Variants in PSD3 observed in about 807,000 individuals in gnomAD.
The protein encoded by PSD3 is pleckstrin and Sec7 domain containing 3.
PSD3 carries 49 observed loss-of-function variants against 105.5 expected under a neutral mutation model. The observed-to-expected ratio is 0.46, with a 90% CI of 0.37 to 0.59. PSD3 has a LOEUF of 0.59. PSD3 is among the 20% of genes least tolerant of loss of function. The probability of loss-of-function intolerance (pLI) is 0.00; values close to 1 mark genes in which losing one functional copy is unlikely to be tolerated. For synonymous variants in PSD3, 557 were observed against 457.8 expected (o/e 1.22, Z -2.77); for missense variants, 1,561 against 1,263.8 (o/e 1.24, Z -3.57).
chr8:18,647,900 C>T lies in PSD3; in HGVS notation c.2216+7742G>A, dbSNP rs116247711. Among the ~76,000 whole-genome samples, 736 of 152,188 alleles carry T rather than the reference C, an allele frequency of 4.8e-3. 4 individuals carry two copies. The highest frequency in any genetic ancestry group is 0.015 in the African/African-American group (623 of 41,520). ...CCCCCTCTCTCTCTTCCTCTTGCTC[C>T]GGCCATGTGAAGTGCCAGCTCCCCC... On this transcript the variant is annotated intron_variant, in intron 10 of 15. Coordinates refer to ENST00000327040, the MANE Select transcript of PSD3 (RefSeq NM_015310.4).
chr8:18,563,350 T>C (rs1801519855), intron 14 of PSD3, among the ~76,000 whole-genome samples: 1 of 152,180 alleles, frequency 6.6e-6, no homozygotes, highest in Non-Finnish European at 1.5e-5. Context: ...TAGATTTTTT[T>C]TTTTAAGTGA....
chr8:18,984,279 AG>A (rs1804025413), intron 1 of PSD3, among the ~76,000 whole-genome samples: 1 of 151,834 alleles, frequency 6.6e-6, no homozygotes, highest in Non-Finnish European at 1.5e-5. Context: ...CTGACTCTCT[AG>A]TTGTTAAACC....
At chr8:18,717,452 GA>G (rs1802672789) in intron 9 of PSD3, among the ~76,000 whole-genome samples, 1 of 151,996 alleles carries the variant, frequency 6.6e-6, no homozygotes. Flanking sequence ...AATGTGGTCT[GA>G]ATGTTCTAAT....
intron 4 of PSD3, among the ~76,000 whole-genome samples, chr8:18,866,704 T>C (rs1816960123): frequency 6.6e-6 from 1 of 151,810 alleles, no homozygotes; most frequent in South Asian, 2.1e-4. Context: ...TTCAAACTGG[T>C]TATAGAAAAT....
At chr8:18,659,528 T>A (rs925329645) in intron 9 of PSD3, among the ~76,000 whole-genome samples, 5 of 152,354 alleles carry the variant, frequency 3.3e-5, no homozygotes, top group African/African-American at 1.2e-4. Flanking sequence ...ACACTTCATG[T>A]TTACATCAAC....
In PSD3 at chr8:18,567,818, T is replaced by C. The variant is rs1208821160; in HGVS notation, c.2784+4710A>G. On this transcript the variant is annotated intron_variant, in intron 14 of 15. Coordinates refer to ENST00000327040, the MANE Select transcript of PSD3 (RefSeq NM_015310.4). ...TGTTCTTGCTAAGGTTATCCAATGA[T>C]ATAGTTTGGATGCTTGTCCCCTCCG... Among the ~76,000 whole-genome samples, 6 of 152,140 alleles carry C rather than the reference T, an allele frequency of 3.9e-5. No individual in the cohort carries two copies. In the East Asian group the frequency reaches 1.2e-3, roughly 29 times the overall value.
chr8:18,883,588 C>T (rs1301379243), intron 2 of PSD3, among the ~76,000 whole-genome samples: 1 of 152,166 alleles, frequency 6.6e-6, no homozygotes, highest in South Asian at 2.1e-4. Flanking sequence ...ATTATTTGTA[C>T]ACAGCCTTAA....
intron 12 of PSD3, 102 bp from the exon 13 acceptor site, chr8:18,575,387 G>A: frequency 9.1e-7 from 1 of 1,099,646 alleles, no homozygotes; most frequent in Non-Finnish European, 1.2e-6. Flanking sequence ...GGAAATCCAA[G>A]TAAGTGAATG....
At chr8:18,973,478 T>C (rs925044108) in intron 1 of PSD3, among the ~76,000 whole-genome samples, 1 of 152,178 alleles carries the variant, frequency 6.6e-6, no homozygotes, top group Non-Finnish European at 1.5e-5. Context: ...TTCCTGTGTG[T>C]ATACACTCTG....
intron 6 of PSD3, chr8:18,804,283 A>G (rs1810995671): frequency 2.6e-6 from 1 of 388,622 alleles, no homozygotes; most frequent in Non-Finnish European, 4.5e-6. Flanking sequence ...TCCCTAAAGC[A>G]TTTCAGATTT....
chr8:18,967,360 G>C (rs1012167191), intron 1 of PSD3, among the ~76,000 whole-genome samples: 1 of 152,108 alleles, frequency 6.6e-6, no homozygotes, highest in East Asian at 1.9e-4. Context: ...TCTCCATGCT[G>C]GTCAGGCTGG....
chr8:18,802,430 G>A (rs1810782925), intron 6 of PSD3: 2 of 320,290 alleles, frequency 6.2e-6, no homozygotes, highest in South Asian at 2.6e-5. Context: ...AACATACCAT[G>A]AGCCTCATTT....
intron 4 of PSD3, among the ~76,000 whole-genome samples, chr8:18,837,876 G>A (rs1235432639): frequency 6.6e-6 from 1 of 152,130 alleles, no homozygotes; most frequent in African/African-American, 2.4e-5. Flanking sequence ...AAGGATGGCT[G>A]TTCACTAATC....
chr8:18,528,191 T>A lies in PSD3; in HGVS notation c.*7552A>T, dbSNP rs1799500248. ...TGAGATATAAGAGACTGCAGGGAGGTGGTTAGGCCTTTACCTAACAGCTCT... is the reference window on the plus strand; with the variant it reads ...TGAGATATAAGAGACTGCAGGGAGGAGGTTAGGCCTTTACCTAACAGCTCT... On this transcript the variant is annotated 3_prime_UTR_variant, in exon 16 of 16. Coordinates refer to ENST00000327040, the MANE Select transcript of PSD3 (RefSeq NM_015310.4). 1 of 151,826 alleles carries A rather than the reference T, an allele frequency of 6.6e-6. No homozygotes were observed. The highest frequency in any genetic ancestry group is 1.5e-5 in the Non-Finnish European group (1 of 67,998). The allele number at this position is 151,826 out of a possible 1,614,324, so 9.4% of individuals were successfully genotyped here.
intron 2 of PSD3, among the ~76,000 whole-genome samples, chr8:18,889,037 T>C (rs1466738659): frequency 6.7e-6 from 1 of 149,474 alleles, no homozygotes; most frequent in Admixed American, 6.7e-5. Flanking sequence ...TTTACACGGG[T>C]CAGGTTACTG....
At chr8:19,019,734 A>G (rs77537870) in intron 1 of PSD3, among the ~76,000 whole-genome samples, 14,025 of 152,262 alleles carry the variant, frequency 0.092, 703 homozygotes, top group African/African-American at 0.12. Context: ...CAAAAGCTCA[A>G]GATGAAGCTG....
At chr8:19,068,293 T>C (rs1829143089) in intron 1 of PSD3, among the ~76,000 whole-genome samples, 1 of 151,926 alleles carries the variant, frequency 6.6e-6, no homozygotes, top group Non-Finnish European at 1.5e-5. Flanking sequence ...CCTCCTCTTT[T>C]TTTTTTTTTC....
intron 9 of PSD3, among the ~76,000 whole-genome samples, chr8:18,752,501 A>AATTATATATATAATATATATAATT (rs375165572): frequency 2.3e-5 from 2 of 88,652 alleles, no homozygotes; most frequent in African/African-American, 5.9e-5. Flanking sequence ...TAATATATAT[A>AATTATATATATAATATATATAATT]ATATATATAA....
intron 12 of PSD3, among the ~76,000 whole-genome samples, chr8:18,582,323 C>G (rs1802873591): frequency 6.6e-6 from 1 of 152,138 alleles, no homozygotes; most frequent in East Asian, 1.9e-4. Context: ...GTGGCACTCT[C>G]CAATTCCCTA....
Sources: allele counts gnomAD v4.1 joint callset (sites outside exome capture counted in the v4.1 genomes callset), GRCh38; gene constraint gnomAD v4.1.1; transcripts MANE v1.5; gene names NCBI Gene and HGNC (gene_info 2026-07-23, HGNC 2026-07-21).